TSHZ2: variants seen among roughly 807,000 people sequenced by gnomAD.
TSHZ2 encodes teashirt zinc finger homeobox 2, also known as teashirt homolog 2.
Under a neutral mutation model 74.4 loss-of-function variants are expected in TSHZ2, and 21 were observed. That is an observed-to-expected ratio of 0.28 (90% CI 0.20 to 0.41). TSHZ2 has a LOEUF of 0.41. Ranked by LOEUF, TSHZ2 falls within the 10% of genes least tolerant of loss-of-function variation. The probability of loss-of-function intolerance (pLI) is 1.00; values close to 1 mark genes in which losing one functional copy is unlikely to be tolerated. For missense variants in TSHZ2, 1,244 were observed against 1,293.5 expected, an observed-to-expected ratio of 0.96 and a Z score of 0.59; for synonymous variants, 540 against 515.3, an observed-to-expected ratio of 1.05 and a Z score of -0.65.
chr20:53,276,946 A>G (rs1358347002), intron 2 of TSHZ2, among the ~76,000 whole-genome samples: 2 of 152,210 alleles, frequency 1.3e-5, no homozygotes, highest in Non-Finnish European at 2.9e-5. Flanking sequence ...AATCAAGTCA[A>G]ACCAACATAG....
At chr20:53,013,743 G>C (rs1982934741) in intron 1 of TSHZ2, among the ~76,000 whole-genome samples, 1 of 144,352 alleles carries the variant, frequency 6.9e-6, no homozygotes, top group Non-Finnish European at 1.6e-5. Context: ...TAAGCAAAGA[G>C]GAAGCATAGG....
chr20:53,151,320 A>G (rs1362211840), intron 1 of TSHZ2, among the ~76,000 whole-genome samples: 1 of 152,228 alleles, frequency 6.6e-6, no homozygotes, highest in Non-Finnish European at 1.5e-5. Flanking sequence ...AGCCTCGGCT[A>G]ATGGGTGTAG....
intron 1 of TSHZ2, among the ~76,000 whole-genome samples, chr20:52,997,011 G>C (rs554545205): frequency 6.6e-6 from 1 of 151,486 alleles, no homozygotes; most frequent in African/African-American, 2.4e-5. Flanking sequence ...GCTCAAGCAC[G>C]AGGGGGTGGC....
chr20:53,096,647 C>T (rs1306184871), intron 1 of TSHZ2, among the ~76,000 whole-genome samples: 1 of 151,910 alleles, frequency 6.6e-6, no homozygotes, highest in Non-Finnish European at 1.5e-5. Flanking sequence ...CTTTGGGAGG[C>T]CGAGGGGGGT....
At chr20:53,176,862 T>C (rs889459876) in intron 1 of TSHZ2, among the ~76,000 whole-genome samples, 1 of 152,028 alleles carries the variant, frequency 6.6e-6, no homozygotes, top group African/African-American at 2.4e-5. Flanking sequence ...AATTTTTATA[T>C]TTTTAGTAGA....
intron 1 of TSHZ2, among the ~76,000 whole-genome samples, chr20:53,243,822 C>CTTTTTT (rs5841936): frequency 6.9e-6 from 1 of 145,702 alleles, no homozygotes; most frequent in Admixed American, 6.8e-5. Context: ...TGCTTGCTTG[C>CTTTTTT]TTTTTTTTTT....
rs1013803974 is a variant in TSHZ2 at position 53,491,025 on chromosome 20, T to C, written c.*3890T>C. On this transcript the variant is annotated 3_prime_UTR_variant, in exon 3 of 3. Coordinates refer to ENST00000371497, the MANE Select transcript of TSHZ2 (RefSeq NM_173485.6). ...TGTTCAAACCTTCTTTTCTTTTTCA[T>C]TGAGTTTCATTTTTTAAGCTTGTTA... 1.3e-5 allele frequency: 2 copies of C among 151,406 alleles called. No homozygotes were observed. The highest frequency in any genetic ancestry group is 1.3e-4 in the Admixed American group (2 of 15,142). 9.4% of individuals were successfully genotyped at this position (151,406 alleles called of 1,614,324 possible).
intron 2 of TSHZ2, among the ~76,000 whole-genome samples, chr20:53,415,412 C>A (rs1983202164): frequency 6.6e-6 from 1 of 152,088 alleles, no homozygotes; most frequent in Non-Finnish European, 1.5e-5. Context: ...GGGCCCCAGG[C>A]CCCTCATTGC....
At chr20:53,108,049 G>A (rs1393544219) in intron 1 of TSHZ2, among the ~76,000 whole-genome samples, 1 of 152,056 alleles carries the variant, frequency 6.6e-6, no homozygotes, top group Non-Finnish European at 1.5e-5. Flanking sequence ...CTTCCCCATG[G>A]GGAGCTTGAT....
chr20:53,441,189 C>T (rs948186924), intron 2 of TSHZ2, among the ~76,000 whole-genome samples: 4 of 149,922 alleles, frequency 2.7e-5, no homozygotes, highest in African/African-American at 4.9e-5. Flanking sequence ...TTTACTTCTT[C>T]CTTTTTTTTC....
chr20:53,330,223 T>A (rs1002375580), intron 2 of TSHZ2, among the ~76,000 whole-genome samples: 9 of 152,292 alleles, frequency 5.9e-5, no homozygotes, highest in African/African-American at 1.9e-4. Flanking sequence ...AATTATAGAT[T>A]CATAAGAAGT....
At chr20:53,306,646 G>C (rs1450773566) in intron 2 of TSHZ2, among the ~76,000 whole-genome samples, 1 of 152,198 alleles carries the variant, frequency 6.6e-6, no homozygotes, top group African/African-American at 2.4e-5. Context: ...GCCATTGGCA[G>C]CAAAGATTTA....
intron 2 of TSHZ2, among the ~76,000 whole-genome samples, chr20:53,355,572 T>A (rs1176954361): frequency 6.6e-6 from 1 of 152,128 alleles, no homozygotes; most frequent in African/African-American, 2.4e-5. Flanking sequence ...TATAGAGATA[T>A]AAAATAAGTA....
intron 2 of TSHZ2, among the ~76,000 whole-genome samples, chr20:53,328,126 C>G (rs1449259867): frequency 6.6e-6 from 1 of 152,090 alleles, no homozygotes; most frequent in Non-Finnish European, 1.5e-5. Context: ...GGTGCTCACC[C>G]TTAGAGTCCA....
chr20:53,272,424 G>A (rs2145419589), intron 2 of TSHZ2, among the ~76,000 whole-genome samples: 1 of 152,168 alleles, frequency 6.6e-6, no homozygotes, highest in African/African-American at 2.4e-5. Context: ...TGTATTCCTT[G>A]GAACCCAGAC....
intron 2 of TSHZ2, among the ~76,000 whole-genome samples, chr20:53,339,987 A>C (rs111792555): frequency 6.6e-6 from 1 of 152,042 alleles, no homozygotes; most frequent in Non-Finnish European, 1.5e-5. Flanking sequence ...TGCTTTACTC[A>C]TGCCTTTTCC....
intron 2 of TSHZ2, among the ~76,000 whole-genome samples, chr20:53,348,535 A>G (rs187290522): frequency 1.8e-5 from 2 of 109,942 alleles, no homozygotes; most frequent in African/African-American, 7.8e-5. Flanking sequence ...AAAAAAAAAG[A>G]AAAGAAAAAA....
chr20:53,115,102 A>G (rs2123334294), intron 1 of TSHZ2, among the ~76,000 whole-genome samples: 1 of 152,246 alleles, frequency 6.6e-6, no homozygotes, highest in South Asian at 2.1e-4. Flanking sequence ...CATTCCACAA[A>G]TGCTCATCAA....
intron 2 of TSHZ2, among the ~76,000 whole-genome samples, chr20:53,359,395 T>C (rs1980968999): frequency 6.6e-6 from 1 of 152,204 alleles, no homozygotes; most frequent in Non-Finnish European, 1.5e-5. Flanking sequence ...TACAATTCCT[T>C]AGCCGTGATT....
Sources: gnomAD v4.1 joint callset for allele counts (sites outside exome capture counted in the v4.1 genomes callset) on GRCh38, gnomAD v4.1.1 for gene constraint, MANE v1.5 for transcripts, NCBI Gene and HGNC (gene_info 2026-07-23, HGNC 2026-07-21) for gene names.